Variants in PPM1L observed in about 807,000 individuals in gnomAD.
PPM1L encodes protein phosphatase, Mg2+/Mn2+ dependent 1L, also known as protein phosphatase 1L.
A neutral mutation model predicts 31.4 loss-of-function variants in PPM1L; 13 were observed. The observed-to-expected ratio is 0.41, with a 90% confidence interval of 0.27 to 0.66. The LOEUF (loss-of-function observed/expected upper bound fraction) is 0.66, where lower values mean the gene tolerates loss of function less well. Ranked by LOEUF, PPM1L falls within the 30% of genes least tolerant of loss-of-function variation. PPM1L has a pLI of 0.29. For synonymous variants in PPM1L, 184 were observed against 175.4 expected (o/e 1.05, Z -0.39); for missense variants, 326 against 453.7 (o/e 0.72, Z 2.56).
chr3:160,842,062 A>C (rs1713897716), intron 1 of PPM1L, among the ~76,000 whole-genome samples: 1 of 152,234 alleles, frequency 6.6e-6, no homozygotes, highest in African/African-American at 2.4e-5. Flanking sequence ...TAAGATAAAT[A>C]GGAGAGTTTA....
At chr3:161,068,765 T>G in intron 3 of PPM1L, 46 bp from the exon 4 acceptor site, 4,061 of 1,427,822 alleles carry the variant, frequency 2.8e-3, no homozygotes, top group Non-Finnish European at 3.6e-3. Flanking sequence ...CCCAGGTAAG[T>G]GAGATATCAG....
chr3:160,830,065 GTAT>G (rs1204122117), intron 1 of PPM1L, among the ~76,000 whole-genome samples: 1 of 152,176 alleles, frequency 6.6e-6, no homozygotes, highest in Non-Finnish European at 1.5e-5. Context: ...CAAAGCCTTG[GTAT>G]GATGAATCTT....
intron 1 of PPM1L, among the ~76,000 whole-genome samples, chr3:160,955,524 G>A (rs1215727336): frequency 2.0e-5 from 3 of 151,874 alleles, no homozygotes; most frequent in Admixed American, 1.3e-4. Context: ...AGTATTTCAT[G>A]TGTGTTTTGT....
intron 1 of PPM1L, among the ~76,000 whole-genome samples, chr3:160,960,142 G>C (rs190367687): frequency 4.6e-5 from 7 of 150,850 alleles, no homozygotes; most frequent in African/African-American, 7.4e-5. Context: ...GTTGATTAGC[G>C]TGTATCATAT....
intron 1 of PPM1L, among the ~76,000 whole-genome samples, chr3:160,825,738 T>C (rs1470737110): frequency 1.3e-5 from 2 of 152,188 alleles, no homozygotes; most frequent in Admixed American, 6.6e-5. Flanking sequence ...GACAATTTTT[T>C]TGAGCCAGTG....
rs745692445 is a variant in PPM1L, at chr3:161,065,385, CTCTCT to C, written c.575-14_575-10del. On this transcript the variant is annotated splice_polypyrimidine_tract_variant and intron_variant, in intron 2 of 3. Coordinates refer to ENST00000498165, the MANE Select transcript of PPM1L (RefSeq NM_139245.4). ...GCACTGCTGACCTCCCGCGTTCTCT[CTCTCT>C]TCTATTTTTCAGGCACAACGTGTTT... 1.2e-6 allele frequency: 2 copies of C among 1,612,212 alleles called. No homozygotes were observed. Among genetic ancestry groups the C allele is most frequent in the African/African-American group, 1.3e-5 (1 of 74,874 alleles).
chr3:161,064,998 G>A lies in PPM1L; in HGVS notation c.575-405G>A, dbSNP rs371773827. Reference sequence around the variant, plus strand: ...CCCTCCTAGAAATGAGGAGCCCACCGCACACCCCCATCCTTCCCACTTCCA... The same window carrying A: ...CCCTCCTAGAAATGAGGAGCCCACCACACACCCCCATCCTTCCCACTTCCA... On this transcript the variant is annotated intron_variant, in intron 2 of 3. Transcript: ENST00000498165. Among the ~76,000 whole-genome samples, 42 of 151,846 alleles carry A rather than the reference G, an allele frequency of 2.8e-4. 1 individual carries two copies. The South Asian group carries it at 8.5e-3, about 31-fold the overall frequency.
intron 2 of PPM1L, among the ~76,000 whole-genome samples, chr3:161,033,282 T>G (rs1718635952): frequency 6.6e-6 from 1 of 152,150 alleles, no homozygotes; most frequent in Non-Finnish European, 1.5e-5. Context: ...AATTTATAGA[T>G]TCAATGCTAT....
rs1044712687 is a variant in PPM1L, at chr3:161,073,121, C to T, written c.*3964C>T. ...GAACACAAGTTCCAAAGATGCTCTT[C>T]TAAATATAGGATTCTAGGATGAAAT... On this transcript the variant is annotated 3_prime_UTR_variant, in exon 4 of 4. Coordinates refer to ENST00000498165, the MANE Select transcript of PPM1L (RefSeq NM_139245.4). 6.6e-6 allele frequency: 1 copy of T among 152,172 alleles called. No homozygotes were observed. The highest frequency in any genetic ancestry group is 2.4e-5 in the African/African-American group (1 of 41,442). The allele number at this position is 152,172 out of a possible 1,614,324, so 9.4% of individuals were successfully genotyped here.
intron 2 of PPM1L, among the ~76,000 whole-genome samples, chr3:161,060,202 G>A (rs1049420371): frequency 6.6e-6 from 1 of 152,116 alleles, no homozygotes; most frequent in Non-Finnish European, 1.5e-5. Flanking sequence ...CTCTGAAGAT[G>A]TCACATTTGA....
chr3:160,774,078 A>C (rs1356567853), intron 1 of PPM1L, among the ~76,000 whole-genome samples: 1 of 151,204 alleles, frequency 6.6e-6, no homozygotes, highest in Non-Finnish European at 1.5e-5. Context: ...TGACTTTACT[A>C]TTTTCTTTCT....
chr3:160,770,993 A>G (rs556685066), intron 1 of PPM1L, among the ~76,000 whole-genome samples: 98 of 152,314 alleles, frequency 6.4e-4, no homozygotes, highest in African/African-American at 2.2e-3. Context: ...CAAATTGCCC[A>G]TAAAGAGCAG....
chr3:160,777,226 T>A (rs949097624), intron 1 of PPM1L, among the ~76,000 whole-genome samples: 1 of 151,922 alleles, frequency 6.6e-6, no homozygotes, highest in Non-Finnish European at 1.5e-5. Context: ...GTGAGGATGA[T>A]GCGGAGGTTG....
Position 161,069,295 on chromosome 3 carries a change from G to A in PPM1L, c.*138G>A. The A allele has an allele frequency of 1.4e-5, 10 of 696,940 alleles. No individual in the cohort carries two copies. Among genetic ancestry groups the A allele is most frequent in the Non-Finnish European group, 2.3e-5 (10 of 427,212 alleles). 43.2% of individuals were successfully genotyped at this position (696,940 alleles called of 1,614,324 possible). A position where few individuals can be genotyped will look rare whatever the true frequency, so the allele number is the denominator to read the frequency against. On this transcript the variant is annotated 3_prime_UTR_variant, in exon 4 of 4. Transcript: ENST00000498165. The stretch of plus-strand genomic sequence containing the variant: ...AATCCCCCCTCCCTGGTGGTCTTAG[G>A]TCTATAATCAGTGACGAACAGAGGG...
At chr3:160,990,430 G>A (rs963546480) in intron 2 of PPM1L, among the ~76,000 whole-genome samples, 8 of 151,998 alleles carry the variant, frequency 5.3e-5, no homozygotes, top group Admixed American at 3.3e-4. Context: ...GAAAACAAAG[G>A]GAAAATAATA....
intron 2 of PPM1L, among the ~76,000 whole-genome samples, chr3:160,974,956 A>G (rs201279826): frequency 1.3e-4 from 20 of 152,136 alleles, no homozygotes; most frequent in Non-Finnish European, 2.2e-4. Flanking sequence ...CCATGCCTAT[A>G]TCCTGAATGG....
intron 1 of PPM1L, among the ~76,000 whole-genome samples, chr3:160,955,459 A>G (rs1715737687): frequency 1.3e-5 from 2 of 152,006 alleles, no homozygotes; most frequent in African/African-American, 2.4e-5. Flanking sequence ...AAATATATTA[A>G]TTTATCTCGG....
intron 1 of PPM1L, among the ~76,000 whole-genome samples, chr3:160,802,533 G>C (rs1464716523): frequency 1.3e-5 from 2 of 152,158 alleles, no homozygotes; most frequent in Non-Finnish European, 1.5e-5. Context: ...CGCCGGGCTG[G>C]GTACTTCATT....
intron 2 of PPM1L, among the ~76,000 whole-genome samples, chr3:161,064,497 A>AGTGCATAATTTTAACGAG (rs1719667459): frequency 6.6e-6 from 1 of 152,212 alleles, no homozygotes; most frequent in African/African-American, 2.4e-5. Context: ...AAGACTAATT[A>AGTGCATAATTTTAACGAG]GTGCATAATT....
Sources: gnomAD v4.1 joint callset for allele counts (sites outside exome capture counted in the v4.1 genomes callset) on GRCh38, gnomAD v4.1.1 for gene constraint, MANE v1.5 for transcripts, NCBI Gene and HGNC (gene_info 2026-07-23, HGNC 2026-07-21) for gene names.